Variants in MMP16 observed in about 807,000 individuals in gnomAD.
MMP16 encodes the protein matrix metallopeptidase 16, also known as matrix metalloproteinase-16.
MMP16 carries 12 observed loss-of-function variants against 67.8 expected under a neutral mutation model. The ratio of observed to expected loss-of-function variants is 0.18; its 90% CI spans 0.11 to 0.29. The LOEUF is 0.29. Among genes scored for constraint, MMP16 ranks in the 10% least tolerant of loss-of-function variants. The probability of loss-of-function intolerance (pLI) is 1.00; values close to 1 mark genes in which losing one functional copy is unlikely to be tolerated. For synonymous variants in MMP16, 249 were observed against 255.9 expected (o/e 0.97, Z 0.26); for missense variants, 475 against 765.7 (o/e 0.62, Z 4.48).
chr8:88,208,375 A>G (rs1809461564), intron 1 of MMP16, among the ~76,000 whole-genome samples: 1 of 152,226 alleles, frequency 6.6e-6, no homozygotes, highest in South Asian at 2.1e-4. Context: ...GGTTCCATTT[A>G]TGCTTTGTCC....
At chr8:88,091,928 A>G (rs748981705) in intron 6 of MMP16, among the ~76,000 whole-genome samples, 1 of 151,836 alleles carries the variant, frequency 6.6e-6, no homozygotes, top group Non-Finnish European at 1.5e-5. Context: ...AGCAAGCTCT[A>G]TTGAATAGCC....
rs7842943 is a variant in MMP16 at position 88,250,298 on chromosome 8, C to A, written c.133-52992G>T. 6.5e-4 allele frequency among the ~76,000 whole-genome samples: 99 copies of A among 151,998 alleles called. 1 individual carries two copies. The highest frequency in any genetic ancestry group is 2.0e-3 in the African/African-American group (83 of 41,454). ...CTCCATATAAAGATCTACTTAAGAA[C>A]GGGTGGGCACAGGAATCATGTCTTT... On this transcript the variant is annotated intron_variant, in intron 1 of 9. Coordinates refer to ENST00000286614, the MANE Select transcript of MMP16 (RefSeq NM_005941.5).
chr8:88,251,221 C>CA (rs1810214989), intron 1 of MMP16, among the ~76,000 whole-genome samples: 1 of 151,944 alleles, frequency 6.6e-6, no homozygotes, highest in Non-Finnish European at 1.5e-5. Context: ...CTGGAGGCAT[C>CA]ACACTACCTG....
intron 4 of MMP16, among the ~76,000 whole-genome samples, chr8:88,146,885 C>T (rs1036716610): frequency 6.6e-6 from 1 of 151,782 alleles, no homozygotes; most frequent in Non-Finnish European, 1.5e-5. Context: ...AATTTATACT[C>T]CAAATTTTTC....
intron 4 of MMP16, among the ~76,000 whole-genome samples, chr8:88,148,563 T>A (rs1563545771): frequency 6.6e-6 from 1 of 152,192 alleles, no homozygotes; most frequent in Non-Finnish European, 1.5e-5. Context: ...AGATTCAATT[T>A]GCTCACCTTG....
At chr8:88,149,353 C>A (rs995067619) in intron 4 of MMP16, among the ~76,000 whole-genome samples, 17 of 152,272 alleles carry the variant, frequency 1.1e-4, no homozygotes, top group Non-Finnish European at 2.4e-4. Context: ...CTGGGTGGAG[C>A]CCACCACAGC....
intron 1 of MMP16, among the ~76,000 whole-genome samples, chr8:88,243,202 A>T (rs982243784): frequency 6.6e-6 from 1 of 152,214 alleles, no homozygotes; most frequent in African/African-American, 2.4e-5. Flanking sequence ...TAGGATAGAA[A>T]GATAAATACA....
intron 4 of MMP16, among the ~76,000 whole-genome samples, chr8:88,156,607 G>A (rs1372902970): frequency 6.6e-6 from 1 of 151,682 alleles, no homozygotes; most frequent in African/African-American, 2.4e-5. Flanking sequence ...TTGTAATTCT[G>A]CAAAAAAAAG....
intron 2 of MMP16, 48 bp downstream of exon 2, chr8:88,197,110 G>A: frequency 2.5e-6 from 4 of 1,584,174 alleles, no homozygotes; most frequent in Non-Finnish European, 3.4e-6. Context: ...AGACTACTTA[G>A]TTTGGCTCAA....
intron 3 of MMP16, among the ~76,000 whole-genome samples, chr8:88,175,533 T>C (rs1430418050): frequency 6.6e-6 from 1 of 152,194 alleles, no homozygotes; most frequent in Admixed American, 6.5e-5. Context: ...CTCTCCATAG[T>C]CTTGTCAGCG....
intron 6 of MMP16, among the ~76,000 whole-genome samples, chr8:88,081,942 G>A (rs1289079506): frequency 1.3e-5 from 2 of 151,958 alleles, no homozygotes; most frequent in African/African-American, 4.8e-5. Flanking sequence ...AACATTGGTT[G>A]TGACCAATAA....
At chr8:88,248,851 C>T (rs1360018700) in intron 1 of MMP16, among the ~76,000 whole-genome samples, 1 of 150,902 alleles carries the variant, frequency 6.6e-6, no homozygotes, top group Admixed American at 6.6e-5. Flanking sequence ...CTGTGTTTCC[C>T]AATTTTACTG....
At chr8:88,139,457 A>T (rs1401528604) in intron 4 of MMP16, among the ~76,000 whole-genome samples, 2 of 151,958 alleles carry the variant, frequency 1.3e-5, no homozygotes, top group Non-Finnish European at 2.9e-5. Context: ...ATCATTTAAG[A>T]CTCTAGTAAA....
At chr8:88,182,301 A>T (rs1209940388) in intron 3 of MMP16, among the ~76,000 whole-genome samples, 1 of 152,128 alleles carries the variant, frequency 6.6e-6, no homozygotes, top group African/African-American at 2.4e-5. Flanking sequence ...AAAACAAGCA[A>T]GTCAGTTAAA....
intron 1 of MMP16, among the ~76,000 whole-genome samples, chr8:88,256,927 A>G (rs1585982415): frequency 1.3e-5 from 2 of 152,318 alleles, no homozygotes; most frequent in East Asian, 1.9e-4. Context: ...TTCAAAATGC[A>G]TAACTGTAGA....
chr8:88,045,868 T>A (rs1808193584), intron 9 of MMP16, among the ~76,000 whole-genome samples: 1 of 152,246 alleles, frequency 6.6e-6, no homozygotes, highest in South Asian at 2.1e-4. Flanking sequence ...ATATACTATT[T>A]TCTTATGCTT....
intron 3 of MMP16, among the ~76,000 whole-genome samples, chr8:88,183,712 C>CT (rs71277981): frequency 0.2 from 18,104 of 91,226 alleles, 3,259 homozygotes; most frequent in East Asian, 0.53. Flanking sequence ...AAATGTCCTT[C>CT]TTTTTTTTTT....
intron 1 of MMP16, among the ~76,000 whole-genome samples, chr8:88,210,771 A>G (rs1586206857): frequency 2.0e-5 from 3 of 152,272 alleles, no homozygotes; most frequent in South Asian, 4.1e-4. Context: ...TCTACCTTCC[A>G]TCCCCATACC....
intron 6 of MMP16, among the ~76,000 whole-genome samples, chr8:88,086,307 C>T (rs1808832787): frequency 6.6e-6 from 1 of 151,898 alleles, no homozygotes; most frequent in African/African-American, 2.4e-5. Flanking sequence ...GATAAGAATG[C>T]ACCACACATT....
Sources: gnomAD v4.1 joint callset for allele counts (sites outside exome capture counted in the v4.1 genomes callset) on GRCh38, gnomAD v4.1.1 for gene constraint, MANE v1.5 for transcripts, NCBI Gene and HGNC (gene_info 2026-07-23, HGNC 2026-07-21) for gene names.